The following PIF1 variants were observed in gnomAD, a reference collection of about 807,000 sequenced individuals.
The protein encoded by PIF1 is PIF1 5'-to-3' DNA helicase.
In PIF1, 67 loss-of-function variants were observed where a neutral mutation model predicts 62.3. That is an observed-to-expected ratio of 1.08 (90% CI 0.88 to 1.32). PIF1 has a LOEUF of 1.32. Among genes scored for constraint, PIF1 ranks in the 40% most tolerant of loss-of-function variants. The pLI is 0.00. For synonymous variants in PIF1, 364 were observed against 379.5 expected (o/e 0.96, Z 0.47); for missense variants, 886 against 866.1 (o/e 1.02, Z -0.29).
chr15:64,819,712 T>C (rs2084256213), intron 8 of PIF1, 135 bp downstream of exon 8: 1 of 1,187,542 alleles, frequency 8.4e-7, no homozygotes, highest in Admixed American at 2.4e-5. Context: ...AAGTCACAGT[T>C]GCATTTGCAA....
intron 11 of PIF1, among the ~76,000 whole-genome samples, 170 bp from the exon 12 acceptor site, chr15:64,816,935 G>T (rs1216123454): frequency 6.6e-6 from 1 of 152,188 alleles, no homozygotes; most frequent in Non-Finnish European, 1.5e-5. Flanking sequence ...GTAGGAGGGG[G>T]ACCGGGAGAC....
At chr15:64,819,738 T>A in intron 8 of PIF1, 109 bp downstream of exon 8, 1 of 1,463,498 alleles carries the variant, frequency 6.8e-7, no homozygotes, top group Non-Finnish European at 9.3e-7. Context: ...AGGGCCTTTA[T>A]GGCTTCAGAG....
rs369834896 is a variant in PIF1, at chr15:64,818,375, C to G, written c.1441-31G>C. ...AGGGAGAGAGAGGAATGGACAGCAG[C>G]CCCCCTACCCATGCCTGGTCTTAGC... is the stretch of plus-strand genomic sequence containing the variant. On this transcript the variant is annotated intron_variant, in intron 9 of 12. Coordinates refer to ENST00000559239, the MANE Select transcript of PIF1 (RefSeq NM_001286496.2). 4.4e-6 allele frequency: 7 copies of G among 1,603,964 alleles called. No individual in the cohort carries two copies. In the African/African-American group the frequency reaches 9.4e-5, roughly 21 times the overall value.
chr15:64,821,146 G>C, intron 6 of PIF1, 21 bp downstream of exon 6: 1 of 1,613,620 alleles, frequency 6.2e-7, no homozygotes, highest in Non-Finnish European at 8.5e-7. Flanking sequence ...AAGGAGAGCA[G>C]AGCTAGGAGG....
intron 7 of PIF1, among the ~76,000 whole-genome samples, chr15:64,820,607 G>A (rs2084271464): frequency 2.0e-5 from 3 of 152,202 alleles, no homozygotes; most frequent in African/African-American, 7.2e-5. Flanking sequence ...AGGTTGGCCA[G>A]GCTGGTCTCA....
At position 64,816,665 on chromosome 15, in the gene PIF1, C is replaced by G; in HGVS notation, c.1775G>C (p.Arg592Pro). 1.2e-6 allele frequency: 2 copies of G among 1,614,042 alleles called. No individual in the cohort carries two copies. The highest frequency in any genetic ancestry group is 1.7e-4 in the Middle Eastern group (1 of 6,060). Residue 592 changes from arginine (R) to proline (P), a missense_variant, in exon 12 of 13, where the codon CGT becomes CCT. Transcript: ENST00000559239. ...CGCCATGGGGTCAAAGTCCAGCACACGTAGGCCCTGCAGGCTGCGGGCCCG... is the reference window on the plus strand; with the variant it reads ...CGCCATGGGGTCAAAGTCCAGCACAGGTAGGCCCTGCAGGCTGCGGGCCCG... ...LSRARSLQGL[R>P]VLDFDPMAVR... is the part of the protein sequence containing the mutation.
chr15:64,819,048 G>C (rs1337896181), intron 9 of PIF1, 69 bp downstream of exon 9: 1 of 1,213,130 alleles, frequency 8.2e-7, no homozygotes, highest in Non-Finnish European at 1.1e-6. Context: ...TGGGCAGAGG[G>C]GTAGGGATCA....
intron 7 of PIF1, 26 bp downstream of exon 7, chr15:64,820,956 C>T (rs1316906451): frequency 5.0e-6 from 8 of 1,597,636 alleles, no homozygotes; most frequent in Admixed American, 3.4e-5. Flanking sequence ...CATCCCATAG[C>T]CCCTTCCCCA....
intron 7 of PIF1, 101 bp downstream of exon 7, chr15:64,820,881 G>T: frequency 9.4e-7 from 1 of 1,064,860 alleles, no homozygotes; most frequent in Non-Finnish European, 1.4e-6. Flanking sequence ...TGCTCCTGAG[G>T]GTAACAATTC....
upstream of PIF1, chr15:64,825,753 T>A (rs888588318): frequency 3.9e-5 from 6 of 152,190 alleles, no homozygotes; most frequent in Non-Finnish European, 7.3e-5. Context: ...AATGGGCGTG[T>A]CTTTCTTTGC....
chr15:64,824,081 G>C lies in PIF1; in HGVS notation c.255C>G (p.Arg85=). The change falls in exon 2 of 13, where the codon CGC becomes CGG. Residue 85 remains arginine, a synonymous_variant. Transcript: ENST00000559239. ...CGTGGGCGGGGAGCCGCAGGGTGCT[G>C]CGCCCGGCCTCGGCGAAACGCGTGA... ...RLFTRFAEAG[R]STLRLPAHDT... The C allele has an allele frequency of 1.6e-6, 2 of 1,267,460 alleles. No homozygotes were observed. The highest frequency in any genetic ancestry group is 2.0e-6 in the Non-Finnish European group (2 of 1,008,050). 78.5% of individuals were successfully genotyped at this position (1,267,460 alleles called of 1,614,324 possible).
chr15:64,818,096 G>A lies in PIF1; in HGVS notation c.1529-5C>T, dbSNP rs2084220470. 1.2e-6 allele frequency: 2 copies of A among 1,613,202 alleles called. No homozygotes were observed. The highest frequency in any genetic ancestry group is 2.2e-5 in the South Asian group (2 of 91,016). On this transcript the variant is annotated splice_region_variant and splice_polypyrimidine_tract_variant and intron_variant, in intron 10 of 12. Coordinates refer to ENST00000559239, the MANE Select transcript of PIF1 (RefSeq NM_001286496.2). ...GGAACCGCACCTGGGGTAGCCCTAA[G>A]GAGAGCATGGAGCAGTCCAACTTTA...
chr15:64,819,088 C>T (rs779063818), intron 9 of PIF1, 29 bp downstream of exon 9: 4 of 1,534,572 alleles, frequency 2.6e-6, no homozygotes, highest in East Asian at 4.8e-5. Context: ...GCCCAAGCTC[C>T]CAGGGGCTAG....
rs142761824 is a variant in PIF1, at chr15:64,821,493, G to T, written c.845C>A (p.Ala282Asp). ...AGIGSGQAPL[A>D]QCVALAQRPG... is the part of the protein sequence containing the mutation. ...CCTTTGGGCCAGGGCCACACACTGG[G>T]CTAGAGGAGCCTGGCCTGAGCCGAT... The change falls in exon 5 of 13, where the codon GCC (alanine) becomes GAC (aspartate). Residue 282 changes from alanine (A) to aspartate (D), a missense_variant. Physicochemically the swap from Ala to Asp is moderately radical, Grantham distance 126. Transcript: ENST00000559239. 404 of 1,613,280 alleles carry T rather than the reference G, an allele frequency of 2.5e-4. 2 individuals are homozygous for T. The Middle Eastern group carries it at 3.0e-3, about 12-fold the overall frequency.
In PIF1 at chr15:64,818,072, G is replaced by A. The variant is rs1567083792; in HGVS notation, c.1548C>T (p.Phe516=). The A allele has an allele frequency of 6.2e-7, 1 of 1,613,980 alleles. No homozygotes were observed. The highest frequency in any genetic ancestry group is 1.1e-5 in the South Asian group (1 of 91,026). Residue 516 remains phenylalanine, a synonymous_variant, in exon 11 of 13, where the codon TTC becomes TTT. Transcript: ENST00000559239. ...AEGRGLPQVR[F]LCGVTEVIHA... is the part of the protein sequence containing the mutation. ...GGATGACCTCAGTGACTCCACACAG[G>A]AACCGCACCTGGGGTAGCCCTAAGG...
upstream of PIF1, among the ~76,000 whole-genome samples, chr15:64,826,693 C>CAT (rs1359945778): frequency 1.9e-4 from 24 of 128,928 alleles, no homozygotes; most frequent in African/African-American, 6.9e-4. Flanking sequence ...TATACACACA[C>CAT]ATATATATAC....
chr15:64,822,630 C>T lies in PIF1; in HGVS notation c.559-20G>A, dbSNP rs764573014. ...GGCTTCCTGGGGGGAACAGAGCTATCTCAGAGCATCCTCCCACCCGCTAGG... is the reference window on the plus strand; with the variant it reads ...GGCTTCCTGGGGGGAACAGAGCTATTTCAGAGCATCCTCCCACCCGCTAGG... On this transcript the variant is annotated intron_variant, in intron 2 of 12. Coordinates refer to ENST00000559239, the MANE Select transcript of PIF1 (RefSeq NM_001286496.2). 374 of 1,612,740 alleles carry T rather than the reference C, an allele frequency of 2.3e-4. No individual in the cohort carries two copies. Among genetic ancestry groups the T allele is most frequent in the Non-Finnish European group, 3.1e-4 (369 of 1,179,886 alleles).
chr15:64,822,291 C>A lies in PIF1; in HGVS notation c.792G>T (p.Gly264=), dbSNP rs375999078. ...CTGCAAAGGCATGGAGGGTGGTGCC[C>A]CCGATGTGGCAGGCTGCCACCCCAG... ...ASTGVAACHI[G]GTTLHAFAGI... is the part of the protein sequence containing the mutation. The change falls in exon 4 of 13, where the codon GGG becomes GGT. Residue 264 remains glycine (G), a synonymous_variant. Transcript: ENST00000559239. 2 of 1,613,896 alleles carry A rather than the reference C, an allele frequency of 1.2e-6. No individual in the cohort carries two copies. Among genetic ancestry groups the A allele is most frequent in the Non-Finnish European group, 1.7e-6 (2 of 1,179,924 alleles).
chr15:64,821,025 C>G lies in PIF1; in HGVS notation c.1150G>C (p.Asp384His), dbSNP rs1200133643. The G allele has an allele frequency of 1.9e-6, 3 of 1,614,068 alleles. No individual in the cohort carries two copies. In the African/African-American group the frequency reaches 4.0e-5, roughly 22 times the overall value. The change falls in exon 7 of 13, where the codon GAC becomes CAC. Residue 384 changes from aspartate (D) to histidine (H), a missense_variant. Asp to His is a moderately conservative substitution (Grantham distance 81, BLOSUM62 -1). Coordinates refer to ENST00000559239, the MANE Select transcript of PIF1 (RefSeq NM_001286496.2). The part of the protein sequence containing the change: ...LELTKVWRQA[D>H]QTFISLLQAV... ...TGCAGTAGAGAGATGAAGGTCTGGT[C>G]TGCCTGCCTCCACACCTTGGTCAGC...
Sources: allele counts gnomAD v4.1 joint callset (sites outside exome capture counted in the v4.1 genomes callset), GRCh38; gene constraint gnomAD v4.1.1; transcripts MANE v1.5; gene names NCBI Gene and HGNC (gene_info 2026-07-23, HGNC 2026-07-21).